The following GBE1 variants were observed in gnomAD, a reference collection of about 807,000 sequenced individuals.
The protein encoded by GBE1 is 1,4-alpha-glucan-branching enzyme.
A neutral mutation model predicts 88.8 loss-of-function variants in GBE1; 70 were observed. That is an observed-to-expected ratio of 0.79 (90% CI 0.65 to 0.96). GBE1 has a LOEUF of 0.96. GBE1 is among the 40% of genes least tolerant of loss of function. GBE1 has a pLI of 0.00. For missense variants in GBE1, 872 were observed against 871.0 expected, an observed-to-expected ratio of 1.00 and a Z score of -0.01; for synonymous variants, 284 against 300.1, an observed-to-expected ratio of 0.95 and a Z score of 0.56.
At chr3:81,683,521 A>C (rs1705389058) in intron 2 of GBE1, among the ~76,000 whole-genome samples, 1 of 152,248 alleles carries the variant, frequency 6.6e-6, no homozygotes, top group South Asian at 2.1e-4. Context: ...CAACTTAACA[A>C]CATTCAAAGC....
chr3:81,644,245 G>A (rs1286798070), intron 6 of GBE1, among the ~76,000 whole-genome samples: 5 of 151,162 alleles, frequency 3.3e-5, no homozygotes, highest in Admixed American at 1.3e-4. Context: ...ATAGAATGTC[G>A]ATAATAATAA....
intron 1 of GBE1, among the ~76,000 whole-genome samples, chr3:81,743,377 AAAGC>A (rs1706377488): frequency 6.6e-6 from 1 of 152,128 alleles, no homozygotes; most frequent in Admixed American, 6.5e-5. Context: ...GAAAACAAGA[AAAGC>A]AAGTCATGAA....
At chr3:81,623,519 C>A (rs1196921318) in intron 7 of GBE1, among the ~76,000 whole-genome samples, 1 of 152,160 alleles carries the variant, frequency 6.6e-6, no homozygotes, top group African/African-American at 2.4e-5. Flanking sequence ...AAGTATAGGG[C>A]TGTGAGGGTT....
intron 1 of GBE1, among the ~76,000 whole-genome samples, chr3:81,719,328 C>T (rs143942361): frequency 3.9e-5 from 6 of 152,158 alleles, no homozygotes; most frequent in African/African-American, 1.4e-4. Flanking sequence ...GCGATCCTCC[C>T]ACCTCAGCCT....
intron 9 of GBE1, among the ~76,000 whole-genome samples, chr3:81,586,790 ATT>A (rs11320816): frequency 1.6e-3 from 231 of 146,656 alleles, no homozygotes; most frequent in African/African-American, 2.2e-3. Flanking sequence ...AAGATAGAGA[ATT>A]TTTTTTTTTT....
chr3:81,535,462 G>A, intron 13 of GBE1, 137 bp from the exon 14 acceptor site: 1 of 859,632 alleles, frequency 1.2e-6, no homozygotes, highest in Non-Finnish European at 1.7e-6. Context: ...TTTTGAACAT[G>A]TTACAATTTT....
At chr3:81,653,218 C>G (rs1035147945) in intron 3 of GBE1, among the ~76,000 whole-genome samples, 1 of 152,078 alleles carries the variant, frequency 6.6e-6, no homozygotes, top group African/African-American at 2.4e-5. Context: ...AATCTCAGCA[C>G]TTTGGGAGGC....
chr3:81,744,623 C>T (rs1242873741), intron 1 of GBE1, among the ~76,000 whole-genome samples: 2 of 152,136 alleles, frequency 1.3e-5, no homozygotes, highest in East Asian at 1.9e-4. Context: ...CCAAAATGGG[C>T]TTATCTGTTA....
intron 12 of GBE1, among the ~76,000 whole-genome samples, chr3:81,562,688 A>G (rs896785426): frequency 3.9e-5 from 6 of 152,076 alleles, no homozygotes; most frequent in Admixed American, 3.3e-4. Context: ...AAGACTGTTA[A>G]GTTGAGGCAA....
intron 12 of GBE1, among the ~76,000 whole-genome samples, chr3:81,565,177 C>A (rs1703475145): frequency 6.6e-6 from 1 of 152,088 alleles, no homozygotes; most frequent in Non-Finnish European, 1.5e-5. Context: ...GAACTTCAAG[C>A]CATTTACAAC....
intron 3 of GBE1, among the ~76,000 whole-genome samples, chr3:81,663,437 G>C (rs1705058924): frequency 6.6e-6 from 1 of 152,182 alleles, no homozygotes. Flanking sequence ...GACAGAGTTT[G>C]GCCGGGGCAA....
intron 7 of GBE1, among the ~76,000 whole-genome samples, chr3:81,629,018 G>GTTTTTTTTTTT (rs34707682): frequency 7.6e-4 from 74 of 97,920 alleles, no homozygotes; most frequent in African/African-American, 9.7e-4. Context: ...TTATGTTTAA[G>GTTTTTTTTTTT]TTTTTTTTTT....
chr3:81,750,581 ATATATACGTATATATATATG>A (rs1559708521), intron 1 of GBE1, among the ~76,000 whole-genome samples: 8 of 58,612 alleles, frequency 1.4e-4, no homozygotes, highest in Non-Finnish European at 2.2e-4. Flanking sequence ...ATATACGTAT[ATATATACGTATATATATATG>A]TGTATATATA....
chr3:81,591,182 A>G lies in GBE1; in HGVS notation c.1109-18T>C. On this transcript the variant is annotated intron_variant, in intron 8 of 15. Transcript: ENST00000429644. ...ACCTTGACCTTAGAAAAAGAAAATC[A>G]ATACGGATATATTATGTTAACAAGC... is the stretch of plus-strand genomic sequence containing the variant. The G allele has an allele frequency of 6.3e-7, 1 of 1,576,702 alleles. No individual in the cohort carries two copies. Among genetic ancestry groups the G allele is most frequent in the South Asian group, 1.2e-5 (1 of 86,438 alleles).
intron 2 of GBE1, among the ~76,000 whole-genome samples, chr3:81,700,143 G>A (rs1404169267): frequency 6.6e-6 from 1 of 152,204 alleles, no homozygotes; most frequent in Non-Finnish European, 1.5e-5. Flanking sequence ...ACAAGAAAGA[G>A]GCCTTTGTTG....
chr3:81,540,872 G>C (rs1468950807), intron 12 of GBE1, among the ~76,000 whole-genome samples: 1 of 151,950 alleles, frequency 6.6e-6, no homozygotes, highest in Non-Finnish European at 1.5e-5. Context: ...CAAAGCCTCT[G>C]AATAAGCTCT....
At chr3:81,664,330 T>G (rs1298310253) in intron 3 of GBE1, among the ~76,000 whole-genome samples, 1 of 151,458 alleles carries the variant, frequency 6.6e-6, no homozygotes, top group Non-Finnish European at 1.5e-5. Flanking sequence ...TGGAATAAGG[T>G]TCACATGAGC....
In GBE1 at chr3:81,499,884, A is replaced by T. The variant is rs116093124; in HGVS notation, c.1935-657T>A. ...CAAATTTATTAGGCTCAAAATGTCT[A>T]GAAATGGTACTTGATACAAAAATCT... On this transcript the variant is annotated intron_variant, in intron 14 of 15. Transcript: ENST00000429644. Among the ~76,000 whole-genome samples, 483 of 152,314 alleles carry T rather than the reference A, an allele frequency of 3.2e-3. 2 individuals are homozygous for T. Among genetic ancestry groups the T allele is most frequent in the Non-Finnish European group, 5.2e-3 (357 of 68,014 alleles).
intron 1 of GBE1, among the ~76,000 whole-genome samples, chr3:81,710,670 G>A (rs964065456): frequency 1.3e-4 from 19 of 151,966 alleles, no homozygotes; most frequent in Admixed American, 2.0e-4. Context: ...AGCATTACCC[G>A]CAATATTCAA....
Sources: allele counts gnomAD v4.1 joint callset (sites outside exome capture counted in the v4.1 genomes callset), GRCh38; gene constraint gnomAD v4.1.1; transcripts MANE v1.5; gene names NCBI Gene and HGNC (gene_info 2026-07-23, HGNC 2026-07-21).